Variants in PLEKHA7 observed in about 807,000 individuals in gnomAD.
PLEKHA7 encodes the protein pleckstrin homology domain-containing family A member 7.
PLEKHA7 carries 104 observed loss-of-function variants against 170.0 expected under a neutral mutation model. That is an observed-to-expected ratio of 0.61 (90% CI 0.52 to 0.72). PLEKHA7 has a LOEUF of 0.72. Among genes scored for constraint, PLEKHA7 ranks in the 30% least tolerant of loss-of-function variants. PLEKHA7 has a pLI of 0.00. For synonymous variants in PLEKHA7, 648 were observed against 660.8 expected (o/e 0.98, Z 0.30); for missense variants, 1,615 against 1,671.7 (o/e 0.97, Z 0.59).
intron 4 of PLEKHA7, among the ~76,000 whole-genome samples, chr11:16,861,389 C>T (rs796450466): frequency 2.6e-5 from 4 of 151,110 alleles, no homozygotes; most frequent in South Asian, 4.2e-4. Context: ...ATCAGCTAGG[C>T]GCAGTGGCTT....
intron 3 of PLEKHA7, among the ~76,000 whole-genome samples, chr11:16,974,412 C>G (rs551639159): frequency 2.6e-5 from 4 of 151,502 alleles, no homozygotes; most frequent in Non-Finnish European, 5.9e-5. Context: ...ATGATCTTGA[C>G]AGACTGCGCA....
chr11:16,938,738 G>A (rs971042747), intron 3 of PLEKHA7, among the ~76,000 whole-genome samples: 5 of 152,068 alleles, frequency 3.3e-5, no homozygotes, highest in Middle Eastern at 3.2e-3. Context: ...TTTTCAATGT[G>A]CAGTTTATCT....
chr11:16,879,647 G>T (rs2135774379), intron 3 of PLEKHA7, among the ~76,000 whole-genome samples: 1 of 152,334 alleles, frequency 6.6e-6, no homozygotes, highest in Middle Eastern at 3.4e-3. Context: ...GTCCAAATGT[G>T]CCAAAGGGAA....
At chr11:16,864,365 T>A (rs776084136) in intron 4 of PLEKHA7, among the ~76,000 whole-genome samples, 2 of 152,170 alleles carry the variant, frequency 1.3e-5, no homozygotes, top group Non-Finnish European at 2.9e-5. Flanking sequence ...ATAATAATAC[T>A]AGCAATACTA....
At chr11:16,822,982 A>ATTATTTAT (rs147244386) in intron 10 of PLEKHA7, among the ~76,000 whole-genome samples, 382 of 150,020 alleles carry the variant, frequency 2.5e-3, no homozygotes, top group Admixed American at 3.9e-3. Context: ...GTATGTATGT[A>ATTATTTAT]TTATTTATTT....
In PLEKHA7 at chr11:16,943,734, A is replaced by C. The variant is rs544880563; in HGVS notation, c.221+70255T>G. 1.8e-4 allele frequency among the ~76,000 whole-genome samples: 27 copies of C among 152,226 alleles called. 1 individual carries two copies. The South Asian group carries it at 5.4e-3, about 30-fold the overall frequency. Reference sequence around the variant, plus strand: ...ACTCGCATTCATCATTTCATCAGACACTCACACCTGATAACCCTGAGACAC... The same window carrying C: ...ACTCGCATTCATCATTTCATCAGACCCTCACACCTGATAACCCTGAGACAC... On this transcript the variant is annotated intron_variant, in intron 3 of 26. Coordinates refer to ENST00000531066, the MANE Select transcript of PLEKHA7 (RefSeq NM_001329630.2).
intron 3 of PLEKHA7, among the ~76,000 whole-genome samples, chr11:16,966,197 A>T (rs769457913): frequency 1.3e-5 from 2 of 152,068 alleles, no homozygotes; most frequent in African/African-American, 2.4e-5. Flanking sequence ...AAACAAACAC[A>T]TGCACAAGAC....
chr11:16,981,795 C>A (rs1278337498), intron 3 of PLEKHA7, among the ~76,000 whole-genome samples: 1 of 152,148 alleles, frequency 6.6e-6, no homozygotes, highest in Non-Finnish European at 1.5e-5. Context: ...AGCAGCATTT[C>A]AACAGAGCCA....
rs1472942279 is a variant in PLEKHA7 at position 16,972,773 on chromosome 11, A to G, written c.221+41216T>C. Among the ~76,000 whole-genome samples, 6 of 152,320 alleles carry G rather than the reference A, an allele frequency of 3.9e-5. No homozygotes were observed. The East Asian group carries it at 1.2e-3, about 29-fold the overall frequency. On this transcript the variant is annotated intron_variant, in intron 3 of 26. Transcript: ENST00000531066. ...TCTTGTTTTCCAAACACCTCCAAAC[A>G]TAAATAGCCATTAACTTACCAATAC...
chr11:16,870,516 C>G (rs1013166420), intron 4 of PLEKHA7, among the ~76,000 whole-genome samples: 1 of 151,770 alleles, frequency 6.6e-6, no homozygotes, highest in Non-Finnish European at 1.5e-5. Context: ...GTAGTTCCAG[C>G]GACTTGGGCG....
At position 16,990,290 on chromosome 11, in the gene PLEKHA7, A is replaced by AC. The variant is rs1565186085; in HGVS notation, c.221+23698_221+23699insG. 5.9e-4 allele frequency among the ~76,000 whole-genome samples: 83 copies of AC among 140,748 alleles called. 3 individuals carry two copies. In the South Asian group the frequency reaches 0.014, roughly 24 times the overall value. 92.3% of individuals were successfully genotyped at this position (140,748 alleles called of 152,430 possible). On this transcript the variant is annotated intron_variant, in intron 3 of 26. Transcript: ENST00000531066. ...CCCTGTCTCAAAAAAAAAAAAAAAAAAAAAAAAAACTTCTCCCTGTTCCCA... is the reference window on the plus strand; with the variant it reads ...CCCTGTCTCAAAAAAAAAAAAAAAAACAAAAAAAAACTTCTCCCTGTTCCCA...
chr11:16,882,051 G>C (rs1024281361), intron 3 of PLEKHA7, among the ~76,000 whole-genome samples: 2 of 152,228 alleles, frequency 1.3e-5, no homozygotes, highest in Non-Finnish European at 1.5e-5. Context: ...AGTTCTACAA[G>C]TCACAGTGCA....
At chr11:16,794,834 T>G (rs1848107845) in intron 18 of PLEKHA7, 76 bp downstream of exon 18, 1 of 1,235,426 alleles carries the variant, frequency 8.1e-7, no homozygotes, top group Non-Finnish European at 1.2e-6. Flanking sequence ...CCCACCCACC[T>G]GGTTCCCAGC....
chr11:16,830,362 T>A (rs1187500437), intron 9 of PLEKHA7, among the ~76,000 whole-genome samples: 1 of 152,196 alleles, frequency 6.6e-6, no homozygotes, highest in East Asian at 1.9e-4. Context: ...TGATGAAGGC[T>A]CCAGCTGCCC....
intron 13 of PLEKHA7, among the ~76,000 whole-genome samples, chr11:16,807,412 T>G (rs1445545208): frequency 3.3e-5 from 5 of 152,154 alleles, no homozygotes. Context: ...GCTCCTCCCA[T>G]GGGCCATGGG....
In PLEKHA7 at chr11:16,906,704, G is replaced by A. The variant is rs1351505747; in HGVS notation, c.222-35522C>T. Among the ~76,000 whole-genome samples, 11 of 139,854 alleles carry A rather than the reference G, an allele frequency of 7.9e-5. 1 individual carries two copies. The highest frequency in any genetic ancestry group is 1.5e-4 in the Non-Finnish European group (10 of 67,344). The allele number at this position is 139,854 out of a possible 152,430, so 91.7% of individuals were successfully genotyped here. A position where few individuals can be genotyped will look rare whatever the true frequency, so the allele number is the denominator to read the frequency against. On this transcript the variant is annotated intron_variant, in intron 3 of 26. Transcript: ENST00000531066. ...CTCCACCTCCCAGCTGCCTGCCTTG[G>A]CCCCCCAAAGTGCCGAGATTGCAGC...
At position 16,879,287 on chromosome 11, in the gene PLEKHA7, C is replaced by T. The variant is rs187067711; in HGVS notation, c.222-8105G>A. 1.1e-3 allele frequency among the ~76,000 whole-genome samples: 164 copies of T among 152,312 alleles called. 1 individual carries two copies. The highest frequency in any genetic ancestry group is 3.8e-3 in the African/African-American group (157 of 41,570). ...TCATTCCTTACTCCTTACTTATCTCCTACAGCAAAGAAGAATATTCATGGA... is the reference window on the plus strand; with the variant it reads ...TCATTCCTTACTCCTTACTTATCTCTTACAGCAAAGAAGAATATTCATGGA... On this transcript the variant is annotated intron_variant, in intron 3 of 26. Transcript: ENST00000531066.
At chr11:16,940,163 CTCAGCCCTGTGTCTCT>C (rs1179285950) in intron 3 of PLEKHA7, among the ~76,000 whole-genome samples, 1 of 152,134 alleles carries the variant, frequency 6.6e-6, no homozygotes, top group Non-Finnish European at 1.5e-5. Context: ...CTTGTGTCTT[CTCAGCCCTGTGTCTCT>C]GGCCCCTAGC....
At chr11:16,939,288 C>T (rs926967221) in intron 3 of PLEKHA7, among the ~76,000 whole-genome samples, 1 of 152,094 alleles carries the variant, frequency 6.6e-6, no homozygotes, top group Non-Finnish European at 1.5e-5. Context: ...GTGGTGCACG[C>T]CTATAACCCC....
Sources: gnomAD v4.1 joint callset for allele counts (sites outside exome capture counted in the v4.1 genomes callset) on GRCh38, gnomAD v4.1.1 for gene constraint, MANE v1.5 for transcripts, NCBI Gene and HGNC (gene_info 2026-07-23, HGNC 2026-07-21) for gene names.